Variants in CLPB observed in about 807,000 individuals in gnomAD.
CLPB encodes the protein mitochondrial disaggregase.
Under a neutral mutation model 78.4 loss-of-function variants are expected in CLPB, and 40 were observed. The ratio of observed to expected loss-of-function variants is 0.51; its 90% CI spans 0.40 to 0.66. The LOEUF (loss-of-function observed/expected upper bound fraction) is 0.66, where lower values mean the gene tolerates loss of function less well. CLPB is among the 30% of genes least tolerant of loss of function. The probability of loss-of-function intolerance (pLI) is 0.00; values close to 1 mark genes in which losing one functional copy is unlikely to be tolerated. For synonymous variants in CLPB, 333 were observed against 348.0 expected, an observed-to-expected ratio of 0.96 and a Z score of 0.48; for missense variants, 780 against 886.9, an observed-to-expected ratio of 0.88 and a Z score of 1.53.
Position 72,412,931 on chromosome 11 carries a change from T to A in CLPB, c.456-9879A>T, listed in dbSNP as rs1269922491. Among the ~76,000 whole-genome samples, 7 of 152,256 alleles carry A rather than the reference T, an allele frequency of 4.6e-5. No homozygotes were observed. In the East Asian group the frequency reaches 1.4e-3, roughly 29 times the overall value. ...CTCAGATTATTTTTTAACTTTTTAT[T>A]TTGAAATAATTTCAAACTTATAGAA... is the stretch of plus-strand genomic sequence containing the variant. On this transcript the variant is annotated intron_variant, in intron 2 of 15. Coordinates refer to ENST00000538039, the MANE Select transcript of CLPB (RefSeq NM_001258392.3).
At chr11:72,396,294 G>A (rs1855404695) in intron 3 of CLPB, among the ~76,000 whole-genome samples, 1 of 152,166 alleles carries the variant, frequency 6.6e-6, no homozygotes, top group Non-Finnish European at 1.5e-5. Flanking sequence ...GGCAGAAGGA[G>A]GGAGGGAGAC....
At chr11:72,429,174 C>A (rs1856472536) in intron 2 of CLPB, 1 of 152,216 alleles carries the variant, frequency 6.6e-6, no homozygotes. Context: ...AGGATGACAT[C>A]TGTGCTTGGT....
chr11:72,332,320 TA>T (rs551043381), intron 5 of CLPB, among the ~76,000 whole-genome samples: 3,829 of 112,110 alleles, frequency 0.034, 62 homozygotes, highest in South Asian at 0.054. Context: ...CCATCTCTAC[TA>T]AAAAAAAAAA....
chr11:72,314,745 T>G (rs1590783091), intron 7 of CLPB, among the ~76,000 whole-genome samples: 4 of 144,350 alleles, frequency 2.8e-5, no homozygotes, highest in African/African-American at 5.1e-5. Flanking sequence ...TGGGGTGGGG[T>G]GGGGGAAGGG....
intron 3 of CLPB, among the ~76,000 whole-genome samples, chr11:72,385,345 G>A (rs1484205589): frequency 6.6e-6 from 1 of 152,014 alleles, no homozygotes; most frequent in Admixed American, 6.5e-5. Context: ...ATAAAAAAGG[G>A]CTCATGTTCA....
At chr11:72,378,474 T>C (rs532449810) in intron 4 of CLPB, among the ~76,000 whole-genome samples, 1 of 152,282 alleles carries the variant, frequency 6.6e-6, no homozygotes, top group East Asian at 1.9e-4. Flanking sequence ...CCATCAGATC[T>C]CATGAGACTT....
At position 72,306,058 on chromosome 11, in the gene CLPB, A is replaced by G. The variant is rs139994718; in HGVS notation, c.1122+1141T>C. On this transcript the variant is annotated intron_variant, in intron 9 of 15. Transcript: ENST00000538039. ...CGCTGCCAACCTGATGAATTGACTT[A>G]AAAATGCTATCTCGGTCGGAGCGCA... Among the ~76,000 whole-genome samples, 424 of 152,334 alleles carry G rather than the reference A, an allele frequency of 2.8e-3. 2 individuals are homozygous for G. Among genetic ancestry groups the G allele is most frequent in the Middle Eastern group, 6.8e-3 (2 of 294 alleles).
At chr11:72,303,156 C>G (rs773467227) in intron 9 of CLPB, among the ~76,000 whole-genome samples, 2 of 152,198 alleles carry the variant, frequency 1.3e-5, no homozygotes, top group Non-Finnish European at 2.9e-5. Context: ...GTAAAGGCAT[C>G]CACAGGTGCC....
In CLPB at chr11:72,301,899, C is replaced by T; in HGVS notation, c.1233G>A (p.Lys411=). The change falls in exon 11 of 16, where the codon AAG becomes AAA. Residue 411 remains lysine (K), a synonymous_variant. Transcript: ENST00000538039. The part of the protein sequence containing the change: ...VGHEEGGQLT[K]KLKQCPNAVV... ...CAGCATTGGGGCACTGCTTCAACTT[C>T]TTGGTCAGCTGGCCACCCTCCTCAT... is the stretch of plus-strand genomic sequence containing the variant. The T allele has an allele frequency of 6.2e-7, 1 of 1,614,228 alleles. No homozygotes were observed. The highest frequency in any genetic ancestry group is 8.5e-7 in the Non-Finnish European group (1 of 1,180,030).
chr11:72,287,865 T>A lies in CLPB; in HGVS notation c.*5502A>T, dbSNP rs1949408470. 1 of 152,186 alleles carries A rather than the reference T, an allele frequency of 6.6e-6. No homozygotes were observed. Among genetic ancestry groups the A allele is most frequent in the South Asian group, 2.1e-4 (1 of 4,832 alleles). The allele number at this position is 152,186 out of a possible 1,614,324, so 9.4% of individuals were successfully genotyped here. A position where few individuals can be genotyped will look rare whatever the true frequency, so the allele number is the denominator to read the frequency against. On this transcript the variant is annotated 3_prime_UTR_variant, in exon 16 of 16. Coordinates refer to ENST00000538039, the MANE Select transcript of CLPB (RefSeq NM_001258392.3). ...TATGTCTAATTTCTCATGCCTAATT[T>A]TGTTAATTTTTTTGGCTCCTTTCCC...
chr11:72,370,221 C>T (rs1392169705), intron 4 of CLPB, among the ~76,000 whole-genome samples: 1 of 152,114 alleles, frequency 6.6e-6, no homozygotes, highest in African/African-American at 2.4e-5. Flanking sequence ...TAGTTCTTTG[C>T]CACCCAATCC....
At chr11:72,404,148 T>C (rs1855637123) in intron 2 of CLPB, among the ~76,000 whole-genome samples, 1 of 152,132 alleles carries the variant, frequency 6.6e-6, no homozygotes, top group Non-Finnish European at 1.5e-5. Flanking sequence ...CTAGATAACA[T>C]GAAAGACAAA....
rs547104084 is a variant in CLPB, at chr11:72,384,378, TG to T, written c.543-3995del. 1.1e-4 allele frequency among the ~76,000 whole-genome samples: 17 copies of T among 152,328 alleles called. No homozygotes were observed. In the South Asian group the frequency reaches 3.5e-3, roughly 32 times the overall value. The stretch of plus-strand genomic sequence containing the variant: ...TGACACTAAAAATACAGAATATGTT[TG>T]TGGCGGGTATGGAATAAAAGTGTAA... On this transcript the variant is annotated intron_variant, in intron 3 of 15. Transcript: ENST00000538039.
rs1205238251 is a variant in CLPB at position 72,307,262 on chromosome 11, G to A, written c.1067-8C>T. 2.5e-6 allele frequency: 4 copies of A among 1,613,762 alleles called. No individual in the cohort carries two copies. The highest frequency in any genetic ancestry group is 3.4e-6 in the Non-Finnish European group (4 of 1,179,750). ...TGGCCAGCTCTGTTTTTCCTAGTAA[G>A]AAAGAAGGGGGAGGTGTTGGGTTAG... On this transcript the variant is annotated splice_region_variant and splice_polypyrimidine_tract_variant and intron_variant, in intron 8 of 15. Coordinates refer to ENST00000538039, the MANE Select transcript of CLPB (RefSeq NM_001258392.3).
At chr11:72,373,960 CAAAAAAAAA>C (rs35682727) in intron 4 of CLPB, among the ~76,000 whole-genome samples, 1 of 80,560 alleles carries the variant, frequency 1.2e-5, no homozygotes, top group African/African-American at 4.8e-5. Context: ...AACTCTGTCT[CAAAAAAAAA>C]AAAAAAAAAA....
chr11:72,377,647 GC>G (rs1854752945), intron 4 of CLPB, among the ~76,000 whole-genome samples: 1 of 92,860 alleles, frequency 1.1e-5, no homozygotes, highest in African/African-American at 4.2e-5. Flanking sequence ...AGAAAGGGAA[GC>G]AAAGGGGAAG....
At chr11:72,365,034 A>G (rs2135634312) in intron 4 of CLPB, among the ~76,000 whole-genome samples, 1 of 152,160 alleles carries the variant, frequency 6.6e-6, no homozygotes. Context: ...CAAAACCACA[A>G]TGAGGCTGGG....
chr11:72,388,638 C>A (rs1855156059), intron 3 of CLPB, among the ~76,000 whole-genome samples: 2 of 152,120 alleles, frequency 1.3e-5, no homozygotes, highest in South Asian at 4.1e-4. Context: ...GCTCAGTAAC[C>A]AACAGTGGCG....
At chr11:72,308,451 G>T in intron 8 of CLPB, 76 bp downstream of exon 8, 1 of 1,328,948 alleles carries the variant, frequency 7.5e-7, no homozygotes, top group Non-Finnish European at 1.1e-6. Context: ...CTGGCCCGCA[G>T]CAGCTGGGGC....
Sources: allele counts gnomAD v4.1 joint callset (sites outside exome capture counted in the v4.1 genomes callset), GRCh38; gene constraint gnomAD v4.1.1; transcripts MANE v1.5; gene names NCBI Gene and HGNC (gene_info 2026-07-23, HGNC 2026-07-21).